PGC: variants seen among roughly 807,000 people sequenced by gnomAD.
PGC encodes the protein gastricsin.
PGC carries 31 observed loss-of-function variants against 45.9 expected under a neutral mutation model. The observed-to-expected ratio is 0.67, with a 90% CI of 0.51 to 0.91. The LOEUF is 0.91. PGC is among the 40% of genes least tolerant of loss of function. The pLI is 0.00. For missense variants in PGC, 477 were observed against 493.2 expected (o/e 0.97, Z 0.31); for synonymous variants, 192 against 201.8 (o/e 0.95, Z 0.41).
Position 41,739,839 on chromosome 6 carries a change from A to G in PGC, c.875T>C (p.Leu292Pro). 2 of 1,614,126 alleles carry G rather than the reference A, an allele frequency of 1.2e-6. No individual in the cohort carries two copies. Among genetic ancestry groups the G allele is most frequent in the Non-Finnish European group, 1.7e-6 (2 of 1,179,994 alleles). The change falls in exon 7 of 9, where the codon CTT becomes CCT. Residue 292 changes from leucine to proline, a missense_variant. Leu to Pro is a moderately conservative substitution (Grantham distance 98, BLOSUM62 -3). Transcript: ENST00000373025. ...LTVPQQYMSA[L>P]LQATGAQEDE... ...CTCCTGGGCCCCTGTGGCCTGCAGA[A>G]GAGCACTCATGTACTGCTGGGGCAC...
At chr6:41,739,511 T>C (rs886077674) in intron 7 of PGC, among the ~76,000 whole-genome samples, 3 of 151,978 alleles carry the variant, frequency 2.0e-5, no homozygotes, top group Non-Finnish European at 4.4e-5. Context: ...CTCCACCTCC[T>C]GGGCTCAAAC....
Position 41,737,817 on chromosome 6 carries a change from G to A in PGC, c.927C>T (p.Asn309=). The change falls in exon 8 of 9, where the codon AAC becomes AAT. Residue 309 remains asparagine (N), a synonymous_variant. Transcript: ENST00000373025. ...TGGGCAGATTCTGAATGCTGTTACA[G>A]TTCACGAGAAACTGCAAGAGGAATA... ...QEDEYGQFLV[N]CNSIQNLPSL... The A allele has an allele frequency of 6.2e-7, 1 of 1,607,660 alleles. No individual in the cohort carries two copies. The highest frequency in any genetic ancestry group is 8.5e-7 in the Non-Finnish European group (1 of 1,174,450).
Position 41,739,652 on chromosome 6 carries a change from CA to C in PGC, c.915+146del, listed in dbSNP as rs555126636. The C allele has an allele frequency of 1.6e-4, 118 of 755,216 alleles. 1 individual carries two copies. In the African/African-American group the frequency reaches 1.8e-3, roughly 12 times the overall value. 46.8% of individuals were successfully genotyped at this position (755,216 alleles called of 1,614,324 possible). ...CAGGCTGGTCTCAAACTCCTGGGCT[CA>C]AAAGATCTGCCTGCCTTGGCCTCCC... is the stretch of plus-strand genomic sequence containing the variant. On this transcript the variant is annotated intron_variant, in intron 7 of 8. Coordinates refer to ENST00000373025, the MANE Select transcript of PGC (RefSeq NM_002630.4).
chr6:41,743,370 G>A lies in PGC; in HGVS notation c.348C>T (p.Asn116=). The A allele has an allele frequency of 1.2e-6, 2 of 1,613,346 alleles. No homozygotes were observed. The highest frequency in any genetic ancestry group is 1.7e-6 in the Non-Finnish European group (2 of 1,179,254). Reference sequence around the variant, plus strand: ...TGGAGTAGGTGGACGACTCGCTGGGGTTGAAGCGGGAGTGACTGGCTGCAG... The same window carrying A: ...TGGAGTAGGTGGACGACTCGCTGGGATTGAAGCGGGAGTGACTGGCTGCAG... ...SQACTSHSRF[N]PSESSTYSTN... Residue 116 remains asparagine, a synonymous_variant, in exon 4 of 9, where the codon AAC becomes AAT. Coordinates refer to ENST00000373025, the MANE Select transcript of PGC (RefSeq NM_002630.4).
chr6:41,737,773 T>C lies in PGC; in HGVS notation c.971A>G (p.Asn324Ser), dbSNP rs201287149. 62 of 1,612,674 alleles carry C rather than the reference T, an allele frequency of 3.8e-5. 1 individual carries two copies. The East Asian group carries it at 1.2e-3, about 32-fold the overall frequency. ...QNLPSLTFII[N>S]GVEFPLPPSS... Reference sequence around the variant, plus strand: ...AGGTGGCAGAGGGAACTCCACACCATTGATGATGAAGGTCAAGCTGGGCAG... The same window carrying C: ...AGGTGGCAGAGGGAACTCCACACCACTGATGATGAAGGTCAAGCTGGGCAG... The change falls in exon 8 of 9, where the codon AAT becomes AGT. Residue 324 changes from asparagine (N) to serine (S), a missense_variant. By Grantham distance (46) the Asn-to-Ser change is conservative. Transcript: ENST00000373025.
At chr6:41,743,497 T>C (rs185895716) in intron 3 of PGC, 108 bp from the exon 4 acceptor site, 2 of 743,076 alleles carry the variant, frequency 2.7e-6, no homozygotes, top group East Asian at 2.5e-5. Context: ...TGCGCTCACA[T>C]CCTGGGACCT....
In PGC at chr6:41,740,615, A is replaced by G. The variant is rs1222610065; in HGVS notation, c.648-5T>C. On this transcript the variant is annotated splice_region_variant and splice_polypyrimidine_tract_variant and intron_variant, in intron 5 of 8. Coordinates refer to ENST00000373025, the MANE Select transcript of PGC (RefSeq NM_002630.4). ...CCCCCGCTGGAGCCCTGCTGGCTGC[A>G]GGAGAGAAAGGGAAGGGGAAGTCAG... is the stretch of plus-strand genomic sequence containing the variant. 1 of 1,591,062 alleles carries G rather than the reference A, an allele frequency of 6.3e-7. No homozygotes were observed. Among genetic ancestry groups the G allele is most frequent in the South Asian group, 1.1e-5 (1 of 88,038 alleles).
chr6:41,742,322 G>A lies in PGC; in HGVS notation c.615C>T (p.Leu205=). 1 of 1,614,110 alleles carries A rather than the reference G, an allele frequency of 6.2e-7. No individual in the cohort carries two copies. Among genetic ancestry groups the A allele is most frequent in the Non-Finnish European group, 8.5e-7 (1 of 1,180,032 alleles). ...GGTAGACGCTGAAGACGGGGCTGGT[G>A]AGGGCGCCCTCCTGCACCATGCCCT... The part of the protein sequence containing the change: ...AMQGMVQEGA[L]TSPVFSVYLS... Residue 205 remains leucine, a synonymous_variant, in exon 5 of 9, where the codon CTC becomes CTT. Transcript: ENST00000373025.
At chr6:41,738,159 TATATATGCATATATATATAC>T (rs1561879668) in intron 7 of PGC, among the ~76,000 whole-genome samples, 4 of 69,452 alleles carry the variant, frequency 5.8e-5, no homozygotes, top group Admixed American at 2.0e-4. Flanking sequence ...TATATATACA[TATATATGCATATATATATAC>T]ATATATATAT....
chr6:41,737,898 G>T, intron 7 of PGC, 70 bp from the exon 8 acceptor site: 1 of 920,580 alleles, frequency 1.1e-6, no homozygotes, highest in Non-Finnish European at 1.8e-6. Context: ...CATCATCTCA[G>T]CCCCTGGATC....
intron 4 of PGC, among the ~76,000 whole-genome samples, chr6:41,743,009 C>T (rs558202469): frequency 2.0e-5 from 3 of 152,334 alleles, no homozygotes; most frequent in East Asian, 3.9e-4. Context: ...TCACCCGTCT[C>T]CTTCTTCTCT....
rs149712870 is a variant in PGC, at chr6:41,743,326, G to A, written c.392C>T (p.Ser131Phe). The part of the protein sequence containing the change: ...STYSTNGQTF[S>F]LQYGSGSLTG... Reference sequence around the variant, plus strand: ...GAGGCTGCCACTGCCATACTGCAGGGAGAAGGTCTGCCCATTGGTGGAGTA... The same window carrying A: ...GAGGCTGCCACTGCCATACTGCAGGAAGAAGGTCTGCCCATTGGTGGAGTA... The change falls in exon 4 of 9, where the codon TCC (serine) becomes TTC (phenylalanine). Residue 131 changes from serine (S) to phenylalanine (F), a missense_variant. Physicochemically the swap from Ser to Phe is radical, Grantham distance 155. Coordinates refer to ENST00000373025, the MANE Select transcript of PGC (RefSeq NM_002630.4). 9.6e-4 allele frequency: 1,549 copies of A among 1,614,104 alleles called. 1 individual carries two copies. Among genetic ancestry groups the A allele is most frequent in the Non-Finnish European group, 1.2e-3 (1,388 of 1,179,932 alleles).
chr6:41,739,679 A>G (rs1397754843), intron 7 of PGC, 120 bp downstream of exon 7: 34 of 1,032,662 alleles, frequency 3.3e-5, no homozygotes, highest in Non-Finnish European at 4.6e-5. Context: ...TTGGCCTCCC[A>G]AAGTGTTGGG....
chr6:41,747,049 G>A (rs559560030), intron 1 of PGC, among the ~76,000 whole-genome samples: 138 of 152,340 alleles, frequency 9.1e-4, no homozygotes, highest in Non-Finnish European at 1.4e-3. Flanking sequence ...TCATCAGATG[G>A]GGGAAGGGAT....
At chr6:41,740,971 C>T (rs572996453) in intron 5 of PGC, 9 of 1,514,730 alleles carry the variant, frequency 5.9e-6, no homozygotes, top group African/African-American at 2.8e-5. Context: ...GAATTCCCAG[C>T]GCCTCAGGCT....
At chr6:41,746,878 T>C (rs987227541) in intron 1 of PGC, among the ~76,000 whole-genome samples, 1 of 152,212 alleles carries the variant, frequency 6.6e-6, no homozygotes, top group Non-Finnish European at 1.5e-5. Context: ...CATCTGCCAG[T>C]AAATTTTCAG....
intron 5 of PGC, 103 bp downstream of exon 5, chr6:41,742,187 T>C: frequency 1.9e-6 from 2 of 1,043,216 alleles, no homozygotes; most frequent in Non-Finnish European, 2.9e-6. Context: ...AGATGCCCGC[T>C]GGGATGCCTC....
Position 41,737,759 on chromosome 6 carries a change from G to A in PGC, c.985C>T (p.Pro329Ser), listed in dbSNP as rs267601031. 6.2e-7 allele frequency: 1 copy of A among 1,610,004 alleles called. No individual in the cohort carries two copies. Among genetic ancestry groups the A allele is most frequent in the South Asian group, 1.1e-5 (1 of 91,008 alleles). The change falls in exon 8 of 9, where the codon CCT becomes TCT. Residue 329 changes from proline (P) to serine (S), a missense_variant. By Grantham distance (74) the Pro-to-Ser change is moderately conservative. Transcript: ENST00000373025. ...LTFIINGVEF[P>S]LPPSSYILSN... Reference sequence around the variant, plus strand: ...AGGATATAGGAGGAAGGTGGCAGAGGGAACTCCACACCATTGATGATGAAG... The same window carrying A: ...AGGATATAGGAGGAAGGTGGCAGAGAGAACTCCACACCATTGATGATGAAG...
rs192684873 is a variant in PGC at position 41,745,795 on chromosome 6, C to T, written c.60-987G>A. Among the ~76,000 whole-genome samples the T allele has an allele frequency of 8.0e-3, 1,205 of 151,170 alleles. 4 individuals carry two copies. The highest frequency in any genetic ancestry group is 0.013 in the Non-Finnish European group (910 of 67,712). On this transcript the variant is annotated intron_variant, in intron 1 of 8. Transcript: ENST00000373025. ...AACTCCCGACCTCAAATGATCCGCC[C>T]GCCTTGGCCTCCTAAAGTGCTAGGA... is the stretch of plus-strand genomic sequence containing the variant.
Sources: gnomAD v4.1 joint callset for allele counts (sites outside exome capture counted in the v4.1 genomes callset) on GRCh38, gnomAD v4.1.1 for gene constraint, MANE v1.5 for transcripts, NCBI Gene and HGNC (gene_info 2026-07-23, HGNC 2026-07-21) for gene names.